Variants in VPS54 observed in about 807,000 individuals in gnomAD.
VPS54 encodes vacuolar protein sorting-associated protein 54.
In VPS54, 45 loss-of-function variants were observed where a neutral mutation model predicts 121.5. The ratio of observed to expected loss-of-function variants is 0.37; its 90% CI spans 0.29 to 0.47. The LOEUF is 0.47. VPS54 is among the 20% of genes least tolerant of loss of function. The pLI is 0.99. For synonymous variants in VPS54, 371 were observed against 385.8 expected (o/e 0.96, Z 0.45); for missense variants, 1,090 against 1,131.4 (o/e 0.96, Z 0.52).
At chr2:63,999,705 C>G (rs1677779482) in intron 1 of VPS54, among the ~76,000 whole-genome samples, 1 of 152,172 alleles carries the variant, frequency 6.6e-6, no homozygotes, top group Non-Finnish European at 1.5e-5. Flanking sequence ...TCTACCTCCT[C>G]TTTACAGACA....
At chr2:63,943,729 T>TTCTTTC (rs757525233) in intron 10 of VPS54, among the ~76,000 whole-genome samples, 1 of 138,298 alleles carries the variant, frequency 7.2e-6, no homozygotes, top group South Asian at 2.3e-4. Flanking sequence ...CTTTCTTTCT[T>TTCTTTC]TTTTTTTTTT....
chr2:63,957,164 C>A (rs554996406), intron 7 of VPS54, among the ~76,000 whole-genome samples: 4 of 152,088 alleles, frequency 2.6e-5, no homozygotes, highest in South Asian at 2.1e-4. Flanking sequence ...ATATCCCGGC[C>A]GGGCACGGTG....
At chr2:64,018,567 G>A (rs1678819948) in intron 1 of VPS54, among the ~76,000 whole-genome samples, 1 of 152,008 alleles carries the variant, frequency 6.6e-6, no homozygotes, top group Admixed American at 6.6e-5. Context: ...AATCCAATAG[G>A]ACTAAGGGCC....
At chr2:63,948,949 T>G (rs952768589) in intron 8 of VPS54, 88 bp downstream of exon 8, 1 of 1,503,896 alleles carries the variant, frequency 6.6e-7, no homozygotes, top group Non-Finnish European at 8.9e-7. Flanking sequence ...TTAAGATAAT[T>G]TTGATTCCTA....
intron 1 of VPS54, among the ~76,000 whole-genome samples, chr2:64,013,961 G>A (rs1405719439): frequency 6.7e-6 from 1 of 149,650 alleles, no homozygotes; most frequent in Non-Finnish European, 1.5e-5. Context: ...GGAAGGCCGA[G>A]GCAGGTAGAT....
intron 7 of VPS54, among the ~76,000 whole-genome samples, chr2:63,949,777 TA>T (rs1187224775): frequency 6.6e-6 from 1 of 152,194 alleles, no homozygotes; most frequent in East Asian, 1.9e-4. Flanking sequence ...AAATGCACTG[TA>T]ATTTCTGACT....
At chr2:63,971,802 G>A (rs1676294234) in intron 4 of VPS54, among the ~76,000 whole-genome samples, 1 of 152,120 alleles carries the variant, frequency 6.6e-6, no homozygotes, top group Non-Finnish European at 1.5e-5. Flanking sequence ...ATTTACTTTA[G>A]GGTATCACTA....
rs1333225553 is a variant in VPS54, at chr2:64,018,224, CA to C, written c.-21+713del. On this transcript the variant is annotated intron_variant, in intron 1 of 22. Coordinates refer to ENST00000272322, the MANE Select transcript of VPS54 (RefSeq NM_016516.3). ...TCTTCGAAAGAGCCTCAATAAAGAC[CA>C]AAAAATAAAGCTGGTTAGAAGAAAA... Among the ~76,000 whole-genome samples the C allele has an allele frequency of 2.0e-5, 3 of 152,064 alleles. No homozygotes were observed. The East Asian group carries it at 5.8e-4, about 29-fold the overall frequency.
At chr2:63,943,720 TTTCTTTC>T (rs1674843007) in intron 10 of VPS54, among the ~76,000 whole-genome samples, 2 of 114,574 alleles carry the variant, frequency 1.7e-5, no homozygotes, top group East Asian at 4.0e-4. Flanking sequence ...TCTTTCTTTC[TTTCTTTC>T]TTTTTTTTTT....
chr2:63,899,499 T>C lies in VPS54; in HGVS notation c.2708A>G (p.Asp903Gly). ...CTGTGTTTGTTCTTCTGGAAGGAGA[T>C]CAAATATAGCTTCGTGCATTTTTGT... ...QMTKMHEAIF[D>G]LLPEEQTQML... The change falls in exon 21 of 23, where the codon GAT (aspartate) becomes GGT (glycine). Residue 903 changes from aspartate (D) to glycine (G), a missense_variant. Asp to Gly is a moderately conservative substitution (Grantham distance 94). Coordinates refer to ENST00000272322, the MANE Select transcript of VPS54 (RefSeq NM_016516.3). The C allele has an allele frequency of 6.2e-7, 1 of 1,613,860 alleles. No homozygotes were observed. Among genetic ancestry groups the C allele is most frequent in the South Asian group, 1.1e-5 (1 of 91,076 alleles).
At chr2:64,010,308 T>G (rs1322474898) in intron 1 of VPS54, among the ~76,000 whole-genome samples, 5 of 148,494 alleles carry the variant, frequency 3.4e-5, no homozygotes, top group Non-Finnish European at 6.1e-5. Flanking sequence ...CACAACTGAC[T>G]GCTGTTTTTT....
intron 3 of VPS54, among the ~76,000 whole-genome samples, chr2:63,980,367 T>G (rs1676751845): frequency 6.6e-6 from 1 of 152,184 alleles, no homozygotes; most frequent in African/African-American, 2.4e-5. Context: ...ATACAGCATA[T>G]ACTTGGGTCA....
At chr2:63,895,298 AC>A (rs1021926264) in intron 22 of VPS54, among the ~76,000 whole-genome samples, 39 of 152,308 alleles carry the variant, frequency 2.6e-4, no homozygotes, top group African/African-American at 8.4e-4. Context: ...TACTAAAAAT[AC>A]AAAAAGTAGC....
chr2:63,945,209 TA>T (rs1032064962), intron 9 of VPS54, among the ~76,000 whole-genome samples: 3 of 151,896 alleles, frequency 2.0e-5, no homozygotes, highest in Non-Finnish European at 4.4e-5. Flanking sequence ...TATGCAGCCA[TA>T]AAAAAAACAA....
intron 7 of VPS54, among the ~76,000 whole-genome samples, chr2:63,955,886 C>A (rs1244862720): frequency 6.6e-6 from 1 of 152,096 alleles, no homozygotes; most frequent in South Asian, 2.1e-4. Context: ...CTGCTAACAC[C>A]TTGTTTTAAA....
chr2:63,974,904 A>G (rs1458447328), intron 3 of VPS54: 13 of 1,374,730 alleles, frequency 9.5e-6, no homozygotes, highest in South Asian at 1.6e-5. Context: ...TAATTTTTAT[A>G]TATTTTATTT....
At chr2:63,972,656 C>T (rs1295269952) in intron 3 of VPS54, among the ~76,000 whole-genome samples, 2 of 152,044 alleles carry the variant, frequency 1.3e-5, no homozygotes, top group Non-Finnish European at 2.9e-5. Context: ...GAGGCCAAGG[C>T]GGGCCGATCA....
chr2:63,989,218 C>T (rs1167868696), intron 1 of VPS54, among the ~76,000 whole-genome samples: 2 of 152,178 alleles, frequency 1.3e-5, no homozygotes, highest in African/African-American at 4.8e-5. Flanking sequence ...GACCGGGAAC[C>T]TCATTAGTAA....
chr2:64,002,318 T>C, intron 1 of VPS54, among the ~76,000 whole-genome samples: 1 of 152,216 alleles, frequency 6.6e-6, no homozygotes, highest in Non-Finnish European at 1.5e-5. Flanking sequence ...AGTGCTCACC[T>C]GATTTTTGTT....
Sources: allele counts gnomAD v4.1 joint callset (sites outside exome capture counted in the v4.1 genomes callset), GRCh38; gene constraint gnomAD v4.1.1; transcripts MANE v1.5; gene names NCBI Gene and HGNC (gene_info 2026-07-23, HGNC 2026-07-21).